Variants in COL28A1 observed in about 807,000 individuals in gnomAD.
COL28A1 encodes collagen type XXVIII alpha 1 chain.
COL28A1 carries 161 observed loss-of-function variants against 150.2 expected under a neutral mutation model. The observed-to-expected ratio is 1.07, with a 90% CI of 0.94 to 1.22. The LOEUF is 1.22. Ranked by LOEUF, COL28A1 falls within the 50% of genes most tolerant of loss-of-function variation. The pLI, the probability that COL28A1 is intolerant of heterozygous loss-of-function variation, is 0.00. For synonymous variants in COL28A1, 552 were observed against 469.7 expected (o/e 1.18, Z -2.26); for missense variants, 1,617 against 1,388.3 (o/e 1.16, Z -2.62).
intron 33 of COL28A1, among the ~76,000 whole-genome samples, chr7:7,368,707 C>A (rs893118494): frequency 6.6e-6 from 1 of 152,174 alleles, no homozygotes; most frequent in African/African-American, 2.4e-5. Context: ...TGGCTGTTCA[C>A]AAGCCAGAAA....
chr7:7,366,724 G>A (rs1780949943), intron 33 of COL28A1, among the ~76,000 whole-genome samples: 1 of 152,186 alleles, frequency 6.6e-6, no homozygotes, highest in South Asian at 2.1e-4. Context: ...TTAAGGGAGT[G>A]ACAGAAGGGA....
intron 20 of COL28A1, among the ~76,000 whole-genome samples, chr7:7,442,750 A>C (rs1354166489): frequency 6.6e-6 from 1 of 152,144 alleles, no homozygotes; most frequent in Admixed American, 6.6e-5. Context: ...TAAAAATAGA[A>C]AGAAGCCCAG....
At chr7:7,513,791 T>C (rs1284351627) in intron 8 of COL28A1, among the ~76,000 whole-genome samples, 1 of 152,238 alleles carries the variant, frequency 6.6e-6, no homozygotes, top group Non-Finnish European at 1.5e-5. Flanking sequence ...CAGCATTTGT[T>C]TTTTGGGGGG....
chr7:7,503,081 G>A (rs1252512823), intron 11 of COL28A1, among the ~76,000 whole-genome samples: 1 of 152,140 alleles, frequency 6.6e-6, no homozygotes, highest in Non-Finnish European at 1.5e-5. Flanking sequence ...CACCAGAAGG[G>A]AAGACAGATA....
rs1232003632 is a variant in COL28A1 at position 7,419,898 on chromosome 7, G to T, written c.2054C>A (p.Thr685Asn). 1.3e-6 allele frequency: 2 copies of T among 1,599,246 alleles called. No individual in the cohort carries two copies. The highest frequency in any genetic ancestry group is 2.7e-5 in the African/African-American group (2 of 74,224). The change falls in exon 26 of 35, where the codon ACC becomes AAC. Residue 685 changes from threonine to asparagine, a missense_variant. By Grantham distance (65) the Thr-to-Asn change is moderately conservative. Coordinates refer to ENST00000399429, the MANE Select transcript of COL28A1 (RefSeq NM_001037763.3). Reference sequence around the variant, plus strand: ...CTGAGGACTCACCTTTGGCCCTTGGGTTCCTACGCCCCGAGGCCCAGAAGG... The same window carrying T: ...CTGAGGACTCACCTTTGGCCCTTGGTTTCCTACGCCCCGAGGCCCAGAAGG... ...PGPSGPRGVG[T>N]QGPKGDTGQK...
At chr7:7,436,267 T>A in intron 23 of COL28A1, 128 bp downstream of exon 23, 1 of 683,078 alleles carries the variant, frequency 1.5e-6, no homozygotes. Flanking sequence ...AAAAAGGGAA[T>A]AGCTATATTC....
chr7:7,538,163 G>C (rs978032861), upstream of COL28A1, among the ~76,000 whole-genome samples: 1 of 152,172 alleles, frequency 6.6e-6, no homozygotes, highest in Non-Finnish European at 1.5e-5. Context: ...AAAATCTTCA[G>C]TTTCATCAAT....
At chr7:7,438,053 GGCAAAACCCCATC>G (rs1257560023) in intron 21 of COL28A1, among the ~76,000 whole-genome samples, 1 of 151,654 alleles carries the variant, frequency 6.6e-6, no homozygotes, top group African/African-American at 2.4e-5. Context: ...TGGCCAACAT[GGCAAAACCCCATC>G]GCTACTAAAA....
intron 16 of COL28A1, among the ~76,000 whole-genome samples, chr7:7,455,534 T>C (rs946490892): frequency 3.9e-5 from 6 of 152,230 alleles, no homozygotes; most frequent in Non-Finnish European, 7.3e-5. Flanking sequence ...GTTTTGCTTC[T>C]ATTCCAGAAG....
intron 18 of COL28A1, among the ~76,000 whole-genome samples, chr7:7,449,807 AT>A (rs1242435166): frequency 3.1e-4 from 47 of 152,146 alleles, no homozygotes; most frequent in Non-Finnish European, 6.0e-4. Flanking sequence ...AACTAAAAAA[AT>A]ACAAGACCTT....
chr7:7,482,175 T>C (rs148880205), intron 13 of COL28A1, among the ~76,000 whole-genome samples: 2 of 152,340 alleles, frequency 1.3e-5, no homozygotes, highest in East Asian at 3.9e-4. Flanking sequence ...GGACTTTCAG[T>C]AGAATCTTTG....
chr7:7,516,986 C>G (rs1781449624), intron 7 of COL28A1, among the ~76,000 whole-genome samples: 2 of 152,058 alleles, frequency 1.3e-5, no homozygotes, highest in South Asian at 4.1e-4. Flanking sequence ...GAATTCTCTC[C>G]TATGAGATAA....
intron 8 of COL28A1, among the ~76,000 whole-genome samples, chr7:7,512,924 T>C (rs1227411076): frequency 1.3e-5 from 2 of 152,206 alleles, no homozygotes; most frequent in East Asian, 1.9e-4. Flanking sequence ...GACAAGGAAA[T>C]TACATTCAAA....
At chr7:7,365,506 G>A (rs938901948) in intron 33 of COL28A1, among the ~76,000 whole-genome samples, 12 of 152,110 alleles carry the variant, frequency 7.9e-5, no homozygotes, top group Non-Finnish European at 1.8e-4. Context: ...TTTAAGGGGA[G>A]GAAAACAGAC....
At chr7:7,343,542 TA>T in the COL28A1 span, among the ~76,000 whole-genome samples, 1,019 of 152,192 alleles carry the variant, frequency 6.7e-3, 14 homozygotes, top group African/African-American at 0.023. Flanking sequence ...AATGTACACA[TA>T]AAAAAATGCA....
intron 16 of COL28A1, 119 bp downstream of exon 16, chr7:7,455,925 C>T: frequency 3.0e-6 from 4 of 1,351,040 alleles, no homozygotes; most frequent in South Asian, 1.8e-5. Context: ...TGGACTTATA[C>T]TCCACTGCAA....
intron 27 of COL28A1, among the ~76,000 whole-genome samples, chr7:7,389,612 A>G (rs191884316): frequency 3.2e-4 from 49 of 152,256 alleles, no homozygotes; most frequent in African/African-American, 1.1e-3. Flanking sequence ...CACAATATTG[A>G]TTCTTCCTGT....
chr7:7,474,811 A>G (rs147415418), intron 14 of COL28A1, 142 bp from the exon 15 acceptor site: 9,073 of 596,156 alleles, frequency 0.015, 115 homozygotes, highest in Middle Eastern at 0.03. Flanking sequence ...CAAATGGGTA[A>G]TTCTAATTGA....
chr7:7,462,958 A>C (rs1787757852), intron 15 of COL28A1, among the ~76,000 whole-genome samples: 3 of 152,006 alleles, frequency 2.0e-5, no homozygotes, highest in Admixed American at 2.0e-4. Context: ...CAGAGCTCAA[A>C]GACAAGGTTT....
Sources: allele counts gnomAD v4.1 joint callset (sites outside exome capture counted in the v4.1 genomes callset), GRCh38; gene constraint gnomAD v4.1.1; transcripts MANE v1.5; gene names NCBI Gene and HGNC (gene_info 2026-07-23, HGNC 2026-07-21).